PDE6C: variants seen among roughly 807,000 people sequenced by gnomAD.
The protein encoded by PDE6C is phosphodiesterase 6C.
A neutral mutation model predicts 113.1 loss-of-function variants in PDE6C; 75 were observed. That is an observed-to-expected ratio of 0.66 (90% CI 0.55 to 0.80). The LOEUF (loss-of-function observed/expected upper bound fraction) is 0.80. PDE6C is among the 30% of genes least tolerant of loss of function. The pLI is 0.00. For missense variants in PDE6C, 912 were observed against 1,038.6 expected (o/e 0.88, Z 1.67); for synonymous variants, 375 against 363.7 (o/e 1.03, Z -0.35).
chr10:93,637,176 T>C (rs1403736431), intron 11 of PDE6C, 113 bp downstream of exon 11: 4 of 681,888 alleles, frequency 5.9e-6, no homozygotes, highest in Non-Finnish European at 1.1e-5. Flanking sequence ...TTCTCTTTCC[T>C]GATATTTCTC....
Position 93,665,591 on chromosome 10 carries a change from T to TCAA in PDE6C, c.*177_*179dup. ...AAAAATCCCAGGGGCAAAATAAAGT[T>TCAA]CAACAAAAGTGCAAAATATGACAAA... On this transcript the variant is annotated 3_prime_UTR_variant, in exon 22 of 22. Coordinates refer to ENST00000371447, the MANE Select transcript of PDE6C (RefSeq NM_006204.4). The TCAA allele has an allele frequency of 1.7e-6, 1 of 599,552 alleles. No individual in the cohort carries two copies. The highest frequency in any genetic ancestry group is 1.9e-5 in the African/African-American group (1 of 53,710). The allele number at this position is 599,552 out of a possible 1,614,324, so 37.1% of individuals were successfully genotyped here.
rs200292908 is a variant in PDE6C at position 93,633,477 on chromosome 10, A to AT, written c.1120-1281_1120-1280insT. Among the ~76,000 whole-genome samples the AT allele has an allele frequency of 2.6e-3, 384 of 146,196 alleles. 12 individuals are homozygous for AT. In the East Asian group the frequency reaches 0.059, roughly 22 times the overall value. On this transcript the variant is annotated intron_variant, in intron 8 of 21. Transcript: ENST00000371447. ...TGAGACCCTGTCTCAAAAAAAAAAA[A>AT]AAATAAAAAAAAATAAACAAGCTAA... is the stretch of plus-strand genomic sequence containing the variant.
intron 14 of PDE6C, among the ~76,000 whole-genome samples, chr10:93,643,296 C>CG (rs2058568285): frequency 6.6e-6 from 1 of 152,168 alleles, no homozygotes; most frequent in Admixed American, 6.5e-5. Context: ...TTCATCATTC[C>CG]TCCTCTGTAA....
chr10:93,638,662 A>G, intron 11 of PDE6C, among the ~76,000 whole-genome samples: 1 of 152,232 alleles, frequency 6.6e-6, no homozygotes, highest in Non-Finnish European at 1.5e-5. Context: ...TCATTGTTGC[A>G]TAAAATTGAG....
At chr10:93,628,823 G>T (rs1281699616) in intron 7 of PDE6C, among the ~76,000 whole-genome samples, 1 of 152,018 alleles carries the variant, frequency 6.6e-6, no homozygotes, top group African/African-American at 2.4e-5. Flanking sequence ...AACTTATCTG[G>T]CTGTTTCCTC....
intron 15 of PDE6C, among the ~76,000 whole-genome samples, chr10:93,653,515 G>A (rs535362900): frequency 7.2e-5 from 11 of 152,080 alleles, no homozygotes; most frequent in African/African-American, 2.4e-4. Flanking sequence ...ATGGTGGTGG[G>A]TGCCTGTAAT....
chr10:93,613,079 C>T lies in PDE6C; in HGVS notation c.354C>T (p.Thr118=). The T allele has an allele frequency of 1.2e-6, 2 of 1,614,164 alleles. No homozygotes were observed. The highest frequency in any genetic ancestry group is 8.5e-7 in the Non-Finnish European group (1 of 1,180,036). The change falls in exon 1 of 22, where the codon ACC becomes ACT. Residue 118 remains threonine (T), a synonymous_variant. Coordinates refer to ENST00000371447, the MANE Select transcript of PDE6C (RefSeq NM_006204.4). ...TGGCCTCTAGGTTGCTGGATGTCAC[C>T]CCCACCTCCAAGTTTGAGGACAACC... ...PEVASRLLDV[T]PTSKFEDNLV...
chr10:93,620,538 C>T lies in PDE6C; in HGVS notation c.481-94C>T. ...TGGAGCCCTGGTTATCTGTTGGTAG[C>T]ATTTAAATGAGAGAGAATGATCTGT... On this transcript the variant is annotated intron_variant, in intron 1 of 21. Transcript: ENST00000371447. The T allele has an allele frequency of 2.3e-6, 3 of 1,280,528 alleles. No homozygotes were observed. The South Asian group carries it at 3.6e-5, about 15-fold the overall frequency. 79.3% of individuals were successfully genotyped at this position (1,280,528 alleles called of 1,614,324 possible).
chr10:93,656,963 C>T (rs1176365961), intron 16 of PDE6C, among the ~76,000 whole-genome samples: 3 of 151,888 alleles, frequency 2.0e-5, no homozygotes, highest in Non-Finnish European at 2.9e-5. Context: ...TTAACAAATG[C>T]GAAATTTTGC....
intron 15 of PDE6C, among the ~76,000 whole-genome samples, chr10:93,652,602 G>GT: frequency 6.6e-6 from 1 of 152,114 alleles, no homozygotes; most frequent in East Asian, 1.9e-4. Context: ...AAGTAAGATA[G>GT]TTTTTGATAA....
At position 93,612,971 on chromosome 10, in the gene PDE6C, G is replaced by T; in HGVS notation, c.246G>T (p.Arg82Ser). ...EGGTPEQGVH[R>S]ALQRLAHLLQ... ...GCACCCCAGAGCAGGGGGTTCACAG[G>T]GCCCTGCAGAGGCTGGCCCACCTGC... Residue 82 changes from arginine to serine, a missense_variant, in exon 1 of 22, where the codon AGG becomes AGT. By Grantham distance (110) the Arg-to-Ser change is moderately radical. Transcript: ENST00000371447. 6.2e-7 allele frequency: 1 copy of T among 1,614,006 alleles called. No homozygotes were observed. The highest frequency in any genetic ancestry group is 8.5e-7 in the Non-Finnish European group (1 of 1,179,972).
chr10:93,650,066 C>T (rs963405737), intron 15 of PDE6C, among the ~76,000 whole-genome samples: 6 of 152,154 alleles, frequency 3.9e-5, no homozygotes, highest in Non-Finnish European at 8.8e-5. Context: ...CAGCCCTAGG[C>T]GGCAACCTTT....
At chr10:93,648,089 T>C (rs182939492) in intron 15 of PDE6C, among the ~76,000 whole-genome samples, 1 of 152,318 alleles carries the variant, frequency 6.6e-6, no homozygotes, top group African/African-American at 2.4e-5. Context: ...AATATCTACA[T>C]GCTTAACACT....
chr10:93,620,824 A>G (rs1364859570), intron 2 of PDE6C, 40 bp downstream of exon 2: 1 of 1,613,712 alleles, frequency 6.2e-7, no homozygotes, highest in Non-Finnish European at 8.5e-7. Flanking sequence ...GGCTCAGGAA[A>G]TTTATTTGTT....
chr10:93,627,551 A>T (rs2058480061), intron 7 of PDE6C, among the ~76,000 whole-genome samples: 1 of 152,074 alleles, frequency 6.6e-6, no homozygotes, highest in Non-Finnish European at 1.5e-5. Flanking sequence ...TGGGGTGGGG[A>T]TGGTGTGGGA....
intron 8 of PDE6C, among the ~76,000 whole-genome samples, chr10:93,633,180 C>A (rs1407099267): frequency 6.6e-6 from 1 of 152,100 alleles, no homozygotes; most frequent in Non-Finnish European, 1.5e-5. Context: ...AAGATGCATG[C>A]CCAGGCCAGG....
chr10:93,616,280 C>T lies in PDE6C; in HGVS notation c.480+3075C>T, dbSNP rs75930418. On this transcript the variant is annotated intron_variant, in intron 1 of 21. Coordinates refer to ENST00000371447, the MANE Select transcript of PDE6C (RefSeq NM_006204.4). ...ACTTTCCTCTGGCTAGCAGTGTGGG[C>T]GCAGGTGAGGGAAAGACTTCTCACA... Among the ~76,000 whole-genome samples the T allele has an allele frequency of 3.6e-3, 550 of 152,184 alleles. 9 individuals are homozygous for T. The highest frequency in any genetic ancestry group is 0.034 in the South Asian group (166 of 4,824).
intron 15 of PDE6C, among the ~76,000 whole-genome samples, chr10:93,653,408 C>T (rs538700925): frequency 3.3e-5 from 5 of 152,086 alleles, no homozygotes; most frequent in South Asian, 4.2e-4. Context: ...TTTGGGAGGC[C>T]GAGATGGGCG....
At chr10:93,658,588 G>T (rs188566494) in intron 16 of PDE6C, among the ~76,000 whole-genome samples, 1 of 152,152 alleles carries the variant, frequency 6.6e-6, no homozygotes, top group Admixed American at 6.6e-5. Context: ...TGGGATTATA[G>T]ATGTGAGCCA....
Sources: gnomAD v4.1 joint callset for allele counts (sites outside exome capture counted in the v4.1 genomes callset) on GRCh38, gnomAD v4.1.1 for gene constraint, MANE v1.5 for transcripts, NCBI Gene and HGNC (gene_info 2026-07-23, HGNC 2026-07-21) for gene names.